The following BRI3BP variants were observed in gnomAD, a reference collection of about 807,000 sequenced individuals.
The protein encoded by BRI3BP is BRI3 binding protein.
A neutral mutation model predicts 15.8 loss-of-function variants in BRI3BP; 7 were observed. That is an observed-to-expected ratio of 0.44 (90% CI 0.25 to 0.83). The LOEUF is 0.83. Among genes scored for constraint, BRI3BP ranks in the 40% least tolerant of loss-of-function variants. The pLI is 0.20. For synonymous variants in BRI3BP, 192 were observed against 163.5 expected (o/e 1.17, Z -1.33); for missense variants, 320 against 339.3 (o/e 0.94, Z 0.45).
chr12:125,027,379 G>C lies in BRI3BP; in HGVS notation c.*1949G>C, dbSNP rs891066353. On this transcript the variant is annotated 3_prime_UTR_variant, in exon 3 of 3. Coordinates refer to ENST00000341446, the MANE Select transcript of BRI3BP (RefSeq NM_080626.6). ...CAGTGTGCATGGATATTTAAGATTT[G>C]CTGGAGCAGGCTGGGCAGGGTGGCT... 3.9e-5 allele frequency: 6 copies of C among 152,042 alleles called. No individual in the cohort carries two copies. The highest frequency in any genetic ancestry group is 5.9e-5 in the Non-Finnish European group (4 of 68,068). The allele number at this position is 152,042 out of a possible 1,614,324, so 9.4% of individuals were successfully genotyped here. A position where few individuals can be genotyped will look rare whatever the true frequency, so the allele number is the denominator to read the frequency against.
At chr12:125,050,081 G>A in the BRI3BP span, among the ~76,000 whole-genome samples, 2 of 152,144 alleles carry the variant, frequency 1.3e-5, no homozygotes, top group Non-Finnish European at 2.9e-5. Context: ...GGCTGGGCGC[G>A]GTGGCTCACG....
intron 1 of BRI3BP, 53 bp downstream of exon 1, chr12:124,994,056 G>C (rs550882355): frequency 6.3e-5 from 72 of 1,151,848 alleles, no homozygotes; most frequent in Non-Finnish European, 7.6e-5. Context: ...CCACGCACCT[G>C]GCTACCGGGG....
At chr12:125,024,931 C>A in intron 2 of BRI3BP, 60 bp from the exon 3 acceptor site, 6 of 1,452,920 alleles carry the variant, frequency 4.1e-6, no homozygotes, top group Non-Finnish European at 5.7e-6. Context: ...CCAATTCTAG[C>A]TTGTTAAGAA....
At chr12:125,017,953 T>G (rs774378555) in intron 2 of BRI3BP, among the ~76,000 whole-genome samples, 1 of 152,136 alleles carries the variant, frequency 6.6e-6, no homozygotes, top group Non-Finnish European at 1.5e-5. Flanking sequence ...AAAATGCTGT[T>G]TACCCTATCA....
intron 2 of BRI3BP, 24 bp from the exon 3 acceptor site, chr12:125,024,967 C>T: frequency 1.3e-6 from 2 of 1,590,168 alleles, no homozygotes; most frequent in Admixed American, 1.7e-5. Context: ...GTAACGAGCC[C>T]TGTTCCTCTT....
At chr12:124,995,239 T>G (rs1955030797) in intron 1 of BRI3BP, among the ~76,000 whole-genome samples, 1 of 152,152 alleles carries the variant, frequency 6.6e-6, no homozygotes, top group African/African-American at 2.4e-5. Flanking sequence ...GAACGCTTTG[T>G]AGGTGGCCAA....
At chr12:125,005,175 A>G (rs1026870345) in intron 1 of BRI3BP, among the ~76,000 whole-genome samples, 44 of 152,186 alleles carry the variant, frequency 2.9e-4, no homozygotes, top group African/African-American at 7.2e-4. Context: ...GATGCTCCCA[A>G]TTGGAATTTG....
chr12:125,046,175 A>C, the BRI3BP span, among the ~76,000 whole-genome samples: 3 of 151,848 alleles, frequency 2.0e-5, no homozygotes, highest in Admixed American at 6.6e-5. Context: ...AAAAAAAAAA[A>C]CCACAAAAAA....
chr12:125,034,993 A>C (rs1449346416), downstream of BRI3BP, among the ~76,000 whole-genome samples: 5 of 152,114 alleles, frequency 3.3e-5, no homozygotes. Flanking sequence ...TTTGAAATCC[A>C]TCCCAGTTGT....
Position 125,025,559 on chromosome 12 carries a change from G to A in BRI3BP, c.*129G>A. 2 of 967,766 alleles carry A rather than the reference G, an allele frequency of 2.1e-6. No individual in the cohort carries two copies. Among genetic ancestry groups the A allele is most frequent in the Non-Finnish European group, 3.0e-6 (2 of 677,648 alleles). The allele number at this position is 967,766 out of a possible 1,614,324, so 59.9% of individuals were successfully genotyped here. A position where few individuals can be genotyped will look rare whatever the true frequency, so the allele number is the denominator to read the frequency against. On this transcript the variant is annotated 3_prime_UTR_variant, in exon 3 of 3. Transcript: ENST00000341446. ...TGAGCAAGAAAGTGGCGCTGTGTAG[G>A]GCTATTTCCACCCACCCGGCAGCTC...
intron 1 of BRI3BP, among the ~76,000 whole-genome samples, chr12:124,999,226 G>A (rs1955063322): frequency 6.6e-6 from 1 of 151,942 alleles, no homozygotes; most frequent in Non-Finnish European, 1.5e-5. Flanking sequence ...CTTGCTCCTT[G>A]GTCGTAGTTG....
the BRI3BP span, among the ~76,000 whole-genome samples, chr12:125,048,240 C>T: frequency 3.9e-5 from 6 of 151,948 alleles, no homozygotes; most frequent in African/African-American, 7.3e-5. Flanking sequence ...GATGCAATGC[C>T]GCCTCGAAAT....
chr12:125,012,430 C>G, intron 1 of BRI3BP, 104 bp from the exon 2 acceptor site: 3 of 904,362 alleles, frequency 3.3e-6, no homozygotes, highest in South Asian at 2.8e-5. Flanking sequence ...CATGGGCTCA[C>G]TATTTTTCCC....
intron 1 of BRI3BP, among the ~76,000 whole-genome samples, chr12:125,006,410 CAGG>C (rs1191936289): frequency 6.6e-6 from 1 of 152,210 alleles, no homozygotes; most frequent in African/African-American, 2.4e-5. Context: ...GGCCAGTTTT[CAGG>C]AGGGGACAGG....
intron 1 of BRI3BP, among the ~76,000 whole-genome samples, chr12:125,001,450 C>T (rs1955090106): frequency 6.6e-6 from 1 of 152,166 alleles, no homozygotes; most frequent in African/African-American, 2.4e-5. Flanking sequence ...ACCTCTGCCT[C>T]CTGGGTTCAA....
chr12:125,024,805 AAG>A (rs200585563), intron 2 of BRI3BP, among the ~76,000 whole-genome samples, 184 bp from the exon 3 acceptor site: 2,254 of 152,284 alleles, frequency 0.015, 48 homozygotes, highest in African/African-American at 0.05. Context: ...TCTCAAAAAA[AAG>A]AGGCTTCCCT....
intron 1 of BRI3BP, among the ~76,000 whole-genome samples, chr12:124,999,345 G>T (rs1955065339): frequency 6.6e-6 from 1 of 152,182 alleles, no homozygotes; most frequent in South Asian, 2.1e-4. Context: ...TTCTGAACAT[G>T]TATAAATATA....
intron 1 of BRI3BP, among the ~76,000 whole-genome samples, chr12:125,000,505 G>A (rs1262644876): frequency 1.3e-5 from 2 of 151,612 alleles, no homozygotes; most frequent in East Asian, 1.9e-4. Context: ...AGTAGAGACG[G>A]GGTTTCACCA....
chr12:125,049,383 G>A, the BRI3BP span, among the ~76,000 whole-genome samples: 117 of 152,224 alleles, frequency 7.7e-4, no homozygotes, highest in African/African-American at 2.4e-3. Flanking sequence ...ATTCCCCAGC[G>A]CACTCATCCT....
Sources: gnomAD v4.1 joint callset for allele counts (sites outside exome capture counted in the v4.1 genomes callset) on GRCh38, gnomAD v4.1.1 for gene constraint, MANE v1.5 for transcripts, NCBI Gene and HGNC (gene_info 2026-07-23, HGNC 2026-07-21) for gene names.